CSNK2A2IP: variants seen among roughly 807,000 people sequenced by gnomAD.
CSNK2A2IP encodes casein kinase II subunit alpha'-interacting protein.
chr3:88,386,972 A>G, the CSNK2A2IP span, among the ~76,000 whole-genome samples: 1 of 152,328 alleles, frequency 6.6e-6, no homozygotes, highest in Admixed American at 6.5e-5. Context: ...CAGTGAAACA[A>G]AAGTGAAATC....
chr3:88,428,565 G>A, the CSNK2A2IP span, among the ~76,000 whole-genome samples: 2 of 152,102 alleles, frequency 1.3e-5, no homozygotes, highest in African/African-American at 2.4e-5. Flanking sequence ...ATTTAATCAT[G>A]GGGGCATTTG....
the CSNK2A2IP span, among the ~76,000 whole-genome samples, chr3:88,426,712 T>A: frequency 1.3e-5 from 2 of 152,126 alleles, 1 homozygote; most frequent in South Asian, 4.1e-4. Flanking sequence ...TGCCATCATG[T>A]GAAGAAGGAT....
the CSNK2A2IP span, chr3:88,465,476 A>G: frequency 8.1e-7 from 1 of 1,231,690 alleles, no homozygotes; most frequent in African/African-American, 1.5e-5. Flanking sequence ...CAATTCAATA[A>G]CCAACCTATG....
chr3:88,452,429 C>G, the CSNK2A2IP span, among the ~76,000 whole-genome samples: 2 of 152,104 alleles, frequency 1.3e-5, no homozygotes, highest in Non-Finnish European at 2.9e-5. Flanking sequence ...TAGGCTGACT[C>G]AGCACTCCAC....
At chr3:88,449,874 T>TATAGAG in the CSNK2A2IP span, among the ~76,000 whole-genome samples, 424 of 70,078 alleles carry the variant, frequency 6.1e-3, 6 homozygotes, top group African/African-American at 0.018. Flanking sequence ...TATATATATA[T>TATAGAG]AGAGAGAGAG....
the CSNK2A2IP span, among the ~76,000 whole-genome samples, chr3:88,366,860 G>A: frequency 6.6e-6 from 1 of 152,108 alleles, no homozygotes; most frequent in East Asian, 1.9e-4. Context: ...TGGCTGGGGA[G>A]GCCTCACAAT....
the CSNK2A2IP span, among the ~76,000 whole-genome samples, chr3:88,373,123 A>C: frequency 1.1e-4 from 16 of 151,496 alleles, no homozygotes; most frequent in Non-Finnish European, 1.8e-4. Flanking sequence ...ATACTCTCAG[A>C]TGATTTGACC....
the CSNK2A2IP span, among the ~76,000 whole-genome samples, chr3:88,425,498 T>C: frequency 6.6e-6 from 1 of 152,168 alleles, no homozygotes; most frequent in Non-Finnish European, 1.5e-5. Context: ...TAAATATAAA[T>C]TGAGATGGAC....
chr3:88,447,789 T>G, the CSNK2A2IP span, among the ~76,000 whole-genome samples: 1 of 152,274 alleles, frequency 6.6e-6, no homozygotes, highest in East Asian at 1.9e-4. Flanking sequence ...ATACTTATCA[T>G]CAGAGTACTT....
the CSNK2A2IP span, among the ~76,000 whole-genome samples, chr3:88,356,112 T>C: frequency 1.3e-5 from 2 of 152,124 alleles, no homozygotes; most frequent in Non-Finnish European, 2.9e-5. Context: ...AATCCACTCT[T>C]TTAGTTACTT....
the CSNK2A2IP span, among the ~76,000 whole-genome samples, chr3:88,415,708 G>A: frequency 6.6e-6 from 1 of 151,854 alleles, no homozygotes; most frequent in African/African-American, 2.4e-5. Context: ...AGGTGTTCTG[G>A]GTATAATTCC....
the CSNK2A2IP span, among the ~76,000 whole-genome samples, chr3:88,442,587 C>G: frequency 6.6e-6 from 1 of 151,916 alleles, no homozygotes; most frequent in Non-Finnish European, 1.5e-5. Flanking sequence ...ATACCAAACA[C>G]TTTATTTACA....
chr3:88,368,927 G>C, the CSNK2A2IP span, among the ~76,000 whole-genome samples: 1 of 151,976 alleles, frequency 6.6e-6, no homozygotes, highest in African/African-American at 2.4e-5. Context: ...CTCCTCACAT[G>C]TTCCTCAAAT....
At chr3:88,364,708 T>A in the CSNK2A2IP span, among the ~76,000 whole-genome samples, 1 of 152,144 alleles carries the variant, frequency 6.6e-6, no homozygotes, top group Non-Finnish European at 1.5e-5. Flanking sequence ...TTGTATTAAT[T>A]CCCTGAGTTA....
At chr3:88,358,289 T>C in the CSNK2A2IP span, among the ~76,000 whole-genome samples, 2 of 152,182 alleles carry the variant, frequency 1.3e-5, no homozygotes, top group Non-Finnish European at 2.9e-5. Flanking sequence ...CAAAGATAAT[T>C]TGACTTTTTC....
chr3:88,377,543 TG>T, the CSNK2A2IP span, among the ~76,000 whole-genome samples: 1 of 151,786 alleles, frequency 6.6e-6, no homozygotes, highest in Non-Finnish European at 1.5e-5. Flanking sequence ...TGTTGCATTC[TG>T]TTGATGGCTT....
chr3:88,371,934 A>G, the CSNK2A2IP span, among the ~76,000 whole-genome samples: 7 of 151,650 alleles, frequency 4.6e-5, no homozygotes, highest in Admixed American at 1.3e-4. Flanking sequence ...CAATGACAAA[A>G]AGATTAACTG....
chr3:88,409,597 A>G, the CSNK2A2IP span, among the ~76,000 whole-genome samples: 1 of 152,038 alleles, frequency 6.6e-6, no homozygotes, highest in Non-Finnish European at 1.5e-5. Context: ...AGAAAAAAAT[A>G]GTTTATTTAA....
the CSNK2A2IP span, among the ~76,000 whole-genome samples, chr3:88,372,513 G>T: frequency 6.6e-6 from 1 of 151,320 alleles, no homozygotes; most frequent in South Asian, 2.1e-4. Context: ...CACAAGAAAA[G>T]TTAAGTTATA....
Sources: allele counts gnomAD v4.1 joint callset (sites outside exome capture counted in the v4.1 genomes callset), GRCh38; gene constraint gnomAD v4.1.1; transcripts MANE v1.5; gene names NCBI Gene and HGNC (gene_info 2026-07-23, HGNC 2026-07-21).